Variants in ADGRL3 observed in about 807,000 individuals in gnomAD.
ADGRL3 encodes the protein adhesion G protein-coupled receptor L3.
Under a neutral mutation model 153.5 loss-of-function variants are expected in ADGRL3, and 62 were observed. The observed-to-expected ratio is 0.40, with a 90% CI of 0.33 to 0.50. ADGRL3 has a LOEUF of 0.50. ADGRL3 is among the 20% of genes least tolerant of loss of function. ADGRL3 has a pLI of 0.47. For missense variants in ADGRL3, 1,641 were observed against 1,859.4 expected, an observed-to-expected ratio of 0.88 and a Z score of 2.16; for synonymous variants, 710 against 672.5, an observed-to-expected ratio of 1.06 and a Z score of -0.86.
At chr4:61,906,076 C>T (rs1005493304) in intron 11 of ADGRL3, among the ~76,000 whole-genome samples, 1 of 151,188 alleles carries the variant, frequency 6.6e-6, no homozygotes, top group Non-Finnish European at 1.5e-5. Context: ...TATAGAAATT[C>T]ACATATATAA....
rs3075148 is a variant in ADGRL3 at position 61,541,842 on chromosome 4, T to TACACACAC, written c.259+24351_259+24358dup. ...CCTTAGATATATATGTGTGTGTGTA[T>TACACACAC]ACACACACACACACACACACACACA... On this transcript the variant is annotated intron_variant, in intron 4 of 26. Coordinates refer to ENST00000683033, the MANE Select transcript of ADGRL3 (RefSeq NM_001387552.1). 1.6e-3 allele frequency among the ~76,000 whole-genome samples: 232 copies of TACACACAC among 146,570 alleles called. 1 individual carries two copies. The South Asian group carries it at 0.019, about 12-fold the overall frequency.
At chr4:61,930,691 A>T (rs1560391251) in intron 13 of ADGRL3, among the ~76,000 whole-genome samples, 1 of 152,118 alleles carries the variant, frequency 6.6e-6, no homozygotes, top group Non-Finnish European at 1.5e-5. Flanking sequence ...TGTATCTAGT[A>T]GGATATGGTA....
intron 4 of ADGRL3, among the ~76,000 whole-genome samples, chr4:61,522,585 T>C (rs1391448435): frequency 2.0e-5 from 3 of 152,088 alleles, no homozygotes; most frequent in Admixed American, 2.0e-4. Flanking sequence ...CCTCATTTGT[T>C]GGTTTGCTTG....
At chr4:61,813,255 G>A (rs778761066) in intron 8 of ADGRL3, among the ~76,000 whole-genome samples, 1 of 152,078 alleles carries the variant, frequency 6.6e-6, no homozygotes, top group Non-Finnish European at 1.5e-5. Context: ...TTAGATGGGC[G>A]TGGTGGCACA....
intron 25 of ADGRL3, among the ~76,000 whole-genome samples, chr4:62,048,260 A>ATTAT (rs1332536121): frequency 1.3e-5 from 2 of 151,428 alleles, no homozygotes; most frequent in Admixed American, 6.6e-5. Flanking sequence ...TATTTATTTT[A>ATTAT]TTATTTATTT....
At chr4:61,230,953 C>T (rs1398048575) in intron 1 of ADGRL3, among the ~76,000 whole-genome samples, 3 of 152,088 alleles carry the variant, frequency 2.0e-5, no homozygotes, top group Non-Finnish European at 2.9e-5. Flanking sequence ...GGTTTTTGTC[C>T]CGTGCAAGCA....
intron 5 of ADGRL3, among the ~76,000 whole-genome samples, chr4:61,627,668 T>A (rs2092915117): frequency 6.6e-6 from 1 of 151,720 alleles, no homozygotes; most frequent in Non-Finnish European, 1.5e-5. Flanking sequence ...AAAAAGTAAA[T>A]AGTGCCTTTC....
chr4:61,767,631 C>T (rs2097012890), intron 8 of ADGRL3, among the ~76,000 whole-genome samples: 1 of 152,126 alleles, frequency 6.6e-6, no homozygotes, highest in African/African-American at 2.4e-5. Flanking sequence ...CTGGGAGTGG[C>T]TGCCAGGTGA....
intron 4 of ADGRL3, among the ~76,000 whole-genome samples, chr4:61,578,776 T>C (rs986442846): frequency 2.6e-5 from 4 of 152,132 alleles, no homozygotes; most frequent in African/African-American, 9.6e-5. Context: ...TTAAGCACAC[T>C]AGCACATGTT....
intron 17 of ADGRL3, among the ~76,000 whole-genome samples, chr4:61,961,953 C>G (rs2098989488): frequency 6.6e-6 from 1 of 152,074 alleles, no homozygotes; most frequent in South Asian, 2.1e-4. Context: ...GAATTCATAT[C>G]TAACTATTTG....
At chr4:61,520,910 T>C (rs1256127845) in intron 4 of ADGRL3, among the ~76,000 whole-genome samples, 4 of 151,950 alleles carry the variant, frequency 2.6e-5, no homozygotes, top group East Asian at 1.9e-4. Context: ...TCAGCCTGAA[T>C]TGTGCACCAC....
At chr4:61,723,402 T>C (rs1353473313) in intron 6 of ADGRL3, among the ~76,000 whole-genome samples, 1 of 151,936 alleles carries the variant, frequency 6.6e-6, no homozygotes, top group African/African-American at 2.4e-5. Context: ...GAAAGTTTAA[T>C]AGGCAAGAAA....
At chr4:61,405,763 C>T (rs949109032) in intron 2 of ADGRL3, among the ~76,000 whole-genome samples, 1 of 151,810 alleles carries the variant, frequency 6.6e-6, no homozygotes, top group African/African-American at 2.4e-5. Context: ...AAATGCAAAA[C>T]ATGTTTTCCA....
chr4:61,818,531 G>A (rs1267425401), intron 9 of ADGRL3, among the ~76,000 whole-genome samples: 3 of 152,182 alleles, frequency 2.0e-5, no homozygotes, highest in Non-Finnish European at 4.4e-5. Flanking sequence ...GGGGGATGGT[G>A]CTAAAATATT....
intron 5 of ADGRL3, among the ~76,000 whole-genome samples, chr4:61,670,194 T>C (rs1413779345): frequency 6.6e-6 from 1 of 152,046 alleles, no homozygotes; most frequent in Non-Finnish European, 1.5e-5. Flanking sequence ...TTCAGGAGGC[T>C]GAGGCAGGAG....
chr4:61,724,033 A>G lies in ADGRL3; in HGVS notation c.584-6589A>G, dbSNP rs368155789. Among the ~76,000 whole-genome samples the G allele has an allele frequency of 2.0e-4, 30 of 151,308 alleles. No individual in the cohort carries two copies. The South Asian group carries it at 6.2e-3, about 31-fold the overall frequency. On this transcript the variant is annotated intron_variant, in intron 6 of 26. Coordinates refer to ENST00000683033, the MANE Select transcript of ADGRL3 (RefSeq NM_001387552.1). ...CTATTTGTCTCTATTCACATCTGTA[A>G]GTGTGTTGAGCATAACAGGAGCTCC...
chr4:61,584,684 G>A (rs1289523009), intron 4 of ADGRL3, among the ~76,000 whole-genome samples: 1 of 151,840 alleles, frequency 6.6e-6, no homozygotes, highest in Non-Finnish European at 1.5e-5. Context: ...GGTTATAAAA[G>A]TTAAGAAACA....
At chr4:61,937,400 A>ATT (rs561189802) in intron 15 of ADGRL3, among the ~76,000 whole-genome samples, 2,494 of 135,778 alleles carry the variant, frequency 0.018, 78 homozygotes, top group African/African-American at 0.064. Flanking sequence ...GGTTTGGGGC[A>ATT]TTTTTTTTTT....
chr4:61,283,974 C>T (rs928832461), intron 1 of ADGRL3, among the ~76,000 whole-genome samples: 2 of 151,898 alleles, frequency 1.3e-5, no homozygotes, highest in African/African-American at 2.4e-5. Flanking sequence ...AACTATGTAA[C>T]GATACCTGCT....
Sources: gnomAD v4.1 joint callset for allele counts (sites outside exome capture counted in the v4.1 genomes callset) on GRCh38, gnomAD v4.1.1 for gene constraint, MANE v1.5 for transcripts, NCBI Gene and HGNC (gene_info 2026-07-23, HGNC 2026-07-21) for gene names.